Variants in CA5A observed in about 807,000 individuals in gnomAD.
CA5A encodes the protein carbonic anhydrase 5A, mitochondrial.
CA5A carries 28 observed loss-of-function variants against 37.1 expected under a neutral mutation model. The observed-to-expected ratio is 0.75, with a 90% confidence interval of 0.56 to 1.03. The LOEUF is 1.03. Ranked by LOEUF, CA5A falls within the 50% of genes least tolerant of loss-of-function variation. CA5A has a pLI of 0.00. For synonymous variants in CA5A, 171 were observed against 158.4 expected, an observed-to-expected ratio of 1.08 and a Z score of -0.60; for missense variants, 444 against 399.9, an observed-to-expected ratio of 1.11 and a Z score of -0.94.
At position 87,917,753 on chromosome 16, in the gene CA5A, GTATACACA is replaced by G. The variant is rs1567530521; in HGVS notation, c.340+8987_340+8994del. The stretch of plus-strand genomic sequence containing the variant: ...CACACATGAACACACATGCACACAT[GTATACACA>G]GTGCACATGTGCACACATGCACACA... On this transcript the variant is annotated intron_variant, in intron 2 of 6. Transcript: ENST00000649794. Among the ~76,000 whole-genome samples, 80 of 98,402 alleles carry G rather than the reference GTATACACA, an allele frequency of 8.1e-4. No individual in the cohort carries two copies. The South Asian group carries it at 8.3e-3, about 10-fold the overall frequency. The allele number at this position is 98,402 out of a possible 152,430, so 64.6% of individuals were successfully genotyped here.
Position 87,901,785 on chromosome 16 carries a change from C to T in CA5A, c.618+127G>A, listed in dbSNP as rs1461097695. 3 of 638,342 alleles carry T rather than the reference C, an allele frequency of 4.7e-6. No homozygotes were observed. The Admixed American group carries it at 6.1e-5, about 13-fold the overall frequency. The allele number at this position is 638,342 out of a possible 1,614,324, so 39.5% of individuals were successfully genotyped here. A position where few individuals can be genotyped will look rare whatever the true frequency, so the allele number is the denominator to read the frequency against. On this transcript the variant is annotated intron_variant, in intron 5 of 6. Transcript: ENST00000649794. ...TATTTTTAGTGGAGACGGGGTTTCT[C>T]CATGTTGGTCAGGCTGGTCTCGAAC... is the stretch of plus-strand genomic sequence containing the variant.
chr16:87,898,376 G>T (rs1396907464), intron 5 of CA5A, among the ~76,000 whole-genome samples: 2 of 152,170 alleles, frequency 1.3e-5, no homozygotes, highest in African/African-American at 4.8e-5. Flanking sequence ...GGCCACCATG[G>T]CCCTGTCCTG....
At chr16:87,905,046 G>C (rs2055939501) in intron 2 of CA5A, 142 bp from the exon 3 acceptor site, 1 of 691,962 alleles carries the variant, frequency 1.4e-6, no homozygotes, top group African/African-American at 1.8e-5. Context: ...AGCCAAAGGT[G>C]GGCTCCGTGA....
At chr16:87,932,573 T>C (rs1385820242) in intron 1 of CA5A, among the ~76,000 whole-genome samples, 1 of 152,146 alleles carries the variant, frequency 6.6e-6, no homozygotes, top group Non-Finnish European at 1.5e-5. Flanking sequence ...CTAATTCCAG[T>C]AGGGCTCCAA....
intron 2 of CA5A, among the ~76,000 whole-genome samples, chr16:87,926,414 CAA>C (rs2056311571): frequency 1.3e-5 from 2 of 152,154 alleles, no homozygotes; most frequent in South Asian, 2.1e-4. Flanking sequence ...TTCCGACGCG[CAA>C]AGTGTTCGCA....
chr16:87,923,215 G>T (rs1032436749), intron 2 of CA5A, among the ~76,000 whole-genome samples: 1 of 152,124 alleles, frequency 6.6e-6, no homozygotes, highest in African/African-American at 2.4e-5. Context: ...CCGCGATGGA[G>T]TCTCGCTCTG....
chr16:87,930,677 G>T (rs1399626274), intron 1 of CA5A, among the ~76,000 whole-genome samples: 1 of 152,072 alleles, frequency 6.6e-6, no homozygotes, highest in Admixed American at 6.6e-5. Flanking sequence ...TCTGAGAGGG[G>T]CTGCTGCTAC....
intron 1 of CA5A, 144 bp from the exon 2 acceptor site, chr16:87,927,089 C>T (rs1458875871): frequency 1.6e-6 from 1 of 627,794 alleles, no homozygotes. Flanking sequence ...CGCGTGGGGG[C>T]CCCTGCGCAG....
chr16:87,926,628 C>A (rs905980520), intron 2 of CA5A, 120 bp downstream of exon 2: 8 of 781,642 alleles, frequency 1.0e-5, no homozygotes, highest in Admixed American at 2.3e-5. Context: ...CTGTCCCTGC[C>A]CCAGCAGCAC....
chr16:87,902,580 C>T, intron 3 of CA5A, 60 bp from the exon 4 acceptor site: 2 of 906,620 alleles, frequency 2.2e-6, no homozygotes, highest in African/African-American at 1.6e-5. Context: ...AGTCACTTCC[C>T]CTTCTGAATG....
chr16:87,920,306 TTTGTTTGA>T (rs1182015200), intron 2 of CA5A, among the ~76,000 whole-genome samples: 1 of 152,118 alleles, frequency 6.6e-6, no homozygotes, highest in African/African-American at 2.4e-5. Context: ...TTTTTGTTTG[TTTGTTTGA>T]TTGTTTGTTT....
chr16:87,931,815 G>A (rs770187183), intron 1 of CA5A, among the ~76,000 whole-genome samples: 4 of 152,252 alleles, frequency 2.6e-5, no homozygotes, highest in Non-Finnish European at 2.9e-5. Context: ...TCTCTCACGC[G>A]ATAGACAACT....
chr16:87,889,639 G>A (rs1567513349), intron 6 of CA5A, among the ~76,000 whole-genome samples: 1 of 151,906 alleles, frequency 6.6e-6, no homozygotes, highest in Admixed American at 6.6e-5. Context: ...CAGGTGTGGT[G>A]GCTCATGCTT....
chr16:87,903,871 C>T (rs552482590), intron 3 of CA5A, among the ~76,000 whole-genome samples: 7 of 152,256 alleles, frequency 4.6e-5, no homozygotes, highest in East Asian at 3.9e-4. Context: ...AGATTCTTCT[C>T]GTTCATTTCT....
intron 2 of CA5A, among the ~76,000 whole-genome samples, chr16:87,915,042 G>C (rs1028480472): frequency 3.9e-5 from 6 of 152,256 alleles, no homozygotes; most frequent in Admixed American, 1.3e-4. Flanking sequence ...TCCATCCTGA[G>C]CGTTTCACGG....
At chr16:87,925,784 G>C (rs1451051732) in intron 2 of CA5A, among the ~76,000 whole-genome samples, 3 of 152,028 alleles carry the variant, frequency 2.0e-5, no homozygotes, top group African/African-American at 7.2e-5. Flanking sequence ...TGGCTTTCAG[G>C]ACCTCTCAAG....
At position 87,915,822 on chromosome 16, in the gene CA5A, G is replaced by A. The variant is rs566051131; in HGVS notation, c.341-10918C>T. Among the ~76,000 whole-genome samples, 6 of 151,732 alleles carry A rather than the reference G, an allele frequency of 4.0e-5. No homozygotes were observed. In the East Asian group the frequency reaches 1.2e-3, roughly 29 times the overall value. The stretch of plus-strand genomic sequence containing the variant: ...TCCCATAACCACATGTATTTGGTAA[G>A]CTTTTGTTTTCAAAATAAGCCAATA... On this transcript the variant is annotated intron_variant, in intron 2 of 6. Coordinates refer to ENST00000649794, the MANE Select transcript of CA5A (RefSeq NM_001739.2).
intron 2 of CA5A, among the ~76,000 whole-genome samples, chr16:87,912,543 C>G (rs11866820): frequency 0.27 from 40,443 of 151,990 alleles, 6,638 homozygotes; most frequent in African/African-American, 0.46. Flanking sequence ...CACCCACTGA[C>G]TTTCTCCCAC....
rs1334921433 is a variant in CA5A at position 87,888,238 on chromosome 16, A to G, written c.809T>C (p.Leu270Pro). 6.8e-6 allele frequency: 11 copies of G among 1,613,802 alleles called. No individual in the cohort carries two copies. In the Admixed American group the frequency reaches 1.5e-4, roughly 22 times the overall value. ...CACCATCATCTTCTCCTCTTCACCA[A>G]GTGCAGAAAACAGGAGAGTACGAAA... ...SAFRTLLFSA[L>P]GEEEKMMVNN... The change falls in exon 7 of 7, where the codon CTT becomes CCT. Residue 270 changes from leucine (L) to proline (P), a missense_variant. Physicochemically the swap from Leu to Pro is moderately conservative, Grantham distance 98 (BLOSUM62 -3). Coordinates refer to ENST00000649794, the MANE Select transcript of CA5A (RefSeq NM_001739.2).
Sources: gnomAD v4.1 joint callset for allele counts (sites outside exome capture counted in the v4.1 genomes callset) on GRCh38, gnomAD v4.1.1 for gene constraint, MANE v1.5 for transcripts, NCBI Gene and HGNC (gene_info 2026-07-23, HGNC 2026-07-21) for gene names.